Variants in PDE3A observed in about 807,000 individuals in gnomAD.
PDE3A encodes cGMP-inhibited 3',5'-cyclic phosphodiesterase 3A.
A neutral mutation model predicts 98.3 loss-of-function variants in PDE3A; 43 were observed. That is an observed-to-expected ratio of 0.44 (90% CI 0.34 to 0.56). PDE3A has a LOEUF of 0.56. Among genes scored for constraint, PDE3A ranks in the 20% least tolerant of loss-of-function variants. The pLI is 0.01. For synonymous variants in PDE3A, 663 were observed against 567.9 expected (o/e 1.17, Z -2.38); for missense variants, 1,427 against 1,440.7 (o/e 0.99, Z 0.15).
intron 2 of PDE3A, among the ~76,000 whole-genome samples, chr12:20,565,258 T>C (rs1297643310): frequency 6.6e-6 from 1 of 151,928 alleles, no homozygotes; most frequent in Non-Finnish European, 1.5e-5. Flanking sequence ...AGGAGAAAAA[T>C]ATGCTAACTT....
chr12:20,510,831 A>G (rs1473045362), intron 1 of PDE3A, among the ~76,000 whole-genome samples: 1 of 152,058 alleles, frequency 6.6e-6, no homozygotes, highest in African/African-American at 2.4e-5. Context: ...CTGAGAGTGA[A>G]GAGGAAGGAA....
chr12:20,430,009 G>A (rs369874097), intron 1 of PDE3A, among the ~76,000 whole-genome samples: 1 of 151,876 alleles, frequency 6.6e-6, no homozygotes, highest in Non-Finnish European at 1.5e-5. Context: ...ACCTTCCTTT[G>A]AGTTCTCAGT....
chr12:20,584,032 G>A (rs938877150), intron 2 of PDE3A, among the ~76,000 whole-genome samples: 1 of 152,106 alleles, frequency 6.6e-6, no homozygotes, highest in Admixed American at 6.6e-5. Context: ...AGTTCTAGAC[G>A]CACCTACTGT....
chr12:20,561,972 CT>C (rs1942535078), intron 2 of PDE3A, among the ~76,000 whole-genome samples: 1 of 151,940 alleles, frequency 6.6e-6, no homozygotes, highest in African/African-American at 2.4e-5. Flanking sequence ...TTTCTTCTTT[CT>C]TTTTTTAAAA....
At chr12:20,525,761 T>TTTTA (rs1946507406) in intron 1 of PDE3A, among the ~76,000 whole-genome samples, 2 of 152,262 alleles carry the variant, frequency 1.3e-5, no homozygotes, top group African/African-American at 2.4e-5. Flanking sequence ...TTTGGTAAGG[T>TTTTA]TACTAAAGAG....
intron 1 of PDE3A, among the ~76,000 whole-genome samples, chr12:20,409,146 T>C (rs1475949557): frequency 6.6e-6 from 1 of 152,178 alleles, no homozygotes; most frequent in Non-Finnish European, 1.5e-5. Context: ...GAATTCCTTT[T>C]CATGTAGTTT....
intron 2 of PDE3A, among the ~76,000 whole-genome samples, chr12:20,606,998 G>T (rs1204445785): frequency 1.3e-5 from 2 of 152,050 alleles, no homozygotes; most frequent in East Asian, 3.9e-4. Context: ...GGTTTATGAT[G>T]AGTGAAATAA....
intron 1 of PDE3A, among the ~76,000 whole-genome samples, chr12:20,386,630 G>T (rs1056007873): frequency 6.6e-6 from 1 of 151,884 alleles, no homozygotes; most frequent in Non-Finnish European, 1.5e-5. Flanking sequence ...GAGAGCCACT[G>T]CGCCTGGCCT....
chr12:20,636,873 CTAA>C (rs1358318529), intron 8 of PDE3A, among the ~76,000 whole-genome samples: 2 of 152,138 alleles, frequency 1.3e-5, no homozygotes, highest in Non-Finnish European at 2.9e-5. Context: ...AGGCAAGCAC[CTAA>C]TAGTGCAAAA....
intron 1 of PDE3A, among the ~76,000 whole-genome samples, chr12:20,453,970 C>A (rs1161606559): frequency 6.6e-6 from 1 of 152,204 alleles, no homozygotes; most frequent in African/African-American, 2.4e-5. Flanking sequence ...TCAGACCATG[C>A]CATTTCTCTG....
intron 1 of PDE3A, among the ~76,000 whole-genome samples, chr12:20,478,188 A>G (rs1945562045): frequency 6.6e-6 from 1 of 152,196 alleles, no homozygotes; most frequent in Non-Finnish European, 1.5e-5. Flanking sequence ...AGGAATAGGG[A>G]TGGTTTATTC....
chr12:20,505,426 T>C (rs1946098143), intron 1 of PDE3A, among the ~76,000 whole-genome samples: 1 of 152,068 alleles, frequency 6.6e-6, no homozygotes, highest in Admixed American at 6.6e-5. Flanking sequence ...ATGAAAAATG[T>C]TCTATAAAGT....
intron 7 of PDE3A, among the ~76,000 whole-genome samples, chr12:20,634,397 A>G (rs1368819889): frequency 6.6e-6 from 1 of 152,158 alleles, no homozygotes; most frequent in Non-Finnish European, 1.5e-5. Flanking sequence ...GGCGACAGTG[A>G]AGAAGGACAG....
intron 2 of PDE3A, chr12:20,572,023 A>G: frequency 9.1e-7 from 1 of 1,102,910 alleles, no homozygotes; most frequent in South Asian, 2.2e-5. Context: ...TAATTGGAGG[A>G]TAGCTGGAGT....
rs193008430 is a variant in PDE3A at position 20,682,451 on chromosome 12, C to G, written c.*2180C>G. 1 of 151,994 alleles carries G rather than the reference C, an allele frequency of 6.6e-6. No individual in the cohort carries two copies. 9.4% of individuals were successfully genotyped at this position (151,994 alleles called of 1,614,324 possible). ...ATTCATGGCATTTTAAAAAATAAGG[C>G]AAAGATAATACGACAAAAAATATAC... is the stretch of plus-strand genomic sequence containing the variant. On this transcript the variant is annotated 3_prime_UTR_variant, in exon 16 of 16. Transcript: ENST00000359062.
At chr12:20,404,245 T>C (rs910058656) in intron 1 of PDE3A, among the ~76,000 whole-genome samples, 1 of 152,142 alleles carries the variant, frequency 6.6e-6, no homozygotes, top group African/African-American at 2.4e-5. Flanking sequence ...TTTAATAAAT[T>C]TGTTTGGTTT....
intron 1 of PDE3A, among the ~76,000 whole-genome samples, chr12:20,401,746 T>G (rs1467955953): frequency 6.6e-6 from 1 of 152,154 alleles, no homozygotes; most frequent in African/African-American, 2.4e-5. Flanking sequence ...ACTTACATTC[T>G]CCGTCTTGGA....
At position 20,518,306 on chromosome 12, in the gene PDE3A, C is replaced by A. The variant is rs1304522347; in HGVS notation, c.961-38354C>A. On this transcript the variant is annotated intron_variant, in intron 1 of 15. Coordinates refer to ENST00000359062, the MANE Select transcript of PDE3A (RefSeq NM_000921.5). ...TAAGAATCAGTTCTGTTTTTTACAGCCTGAGAGGACATATTTTGAAAGCTT... is the reference window on the plus strand; with the variant it reads ...TAAGAATCAGTTCTGTTTTTTACAGACTGAGAGGACATATTTTGAAAGCTT... 2.6e-5 allele frequency among the ~76,000 whole-genome samples: 4 copies of A among 151,926 alleles called. No individual in the cohort carries two copies. In the East Asian group the frequency reaches 5.8e-4, roughly 22 times the overall value.
At chr12:20,458,874 AT>A (rs1184556697) in intron 1 of PDE3A, among the ~76,000 whole-genome samples, 1 of 152,194 alleles carries the variant, frequency 6.6e-6, no homozygotes, top group Non-Finnish European at 1.5e-5. Flanking sequence ...TTATATAGTC[AT>A]TAACATGGTG....
Sources: allele counts gnomAD v4.1 joint callset (sites outside exome capture counted in the v4.1 genomes callset), GRCh38; gene constraint gnomAD v4.1.1; transcripts MANE v1.5; gene names NCBI Gene and HGNC (gene_info 2026-07-23, HGNC 2026-07-21).